Variants in PSD observed in about 807,000 individuals in gnomAD.
PSD encodes the protein PH and SEC7 domain-containing protein 1.
In PSD, 32 loss-of-function variants were observed where a neutral mutation model predicts 91.6. The ratio of observed to expected loss-of-function variants is 0.35; its 90% CI spans 0.26 to 0.47. The LOEUF is 0.47. Ranked by LOEUF, PSD falls within the 20% of genes least tolerant of loss-of-function variation. The probability of loss-of-function intolerance (pLI) is 1.00; values close to 1 mark genes in which losing one functional copy is unlikely to be tolerated. For missense variants in PSD, 1,099 were observed against 1,373.9 expected (o/e 0.80, Z 3.16); for synonymous variants, 532 against 569.3 (o/e 0.93, Z 0.93).
At position 102,410,794 on chromosome 10, in the gene PSD, T is replaced by G; in HGVS notation, c.2091+64A>C. 9.1e-7 allele frequency: 1 copy of G among 1,096,090 alleles called. No homozygotes were observed. The highest frequency in any genetic ancestry group is 1.4e-6 in the Non-Finnish European group (1 of 722,912). The allele number at this position is 1,096,090 out of a possible 1,614,324, so 67.9% of individuals were successfully genotyped here. On this transcript the variant is annotated intron_variant, in intron 10 of 16. Coordinates refer to ENST00000020673, the MANE Select transcript of PSD (RefSeq NM_002779.5). This position sits in a 1 kb window ranked among gnomAD's most constrained non-coding sequence, Gnocchi z 6.0. ...CCCTGCCCTCCCTCCGACTCTGGAC[T>G]CCGTCGCCGACTGGGTCCTCCATCC... is the stretch of plus-strand genomic sequence containing the variant.
At position 102,405,263 on chromosome 10, in the gene PSD, G is replaced by A. The variant is rs199640035; in HGVS notation, c.2327-10C>T. 83 of 1,610,452 alleles carry A rather than the reference G, an allele frequency of 5.2e-5. No individual in the cohort carries two copies. The highest frequency in any genetic ancestry group is 8.8e-5 in the South Asian group (8 of 91,086). On this transcript the variant is annotated splice_polypyrimidine_tract_variant and intron_variant, in intron 12 of 16. Coordinates refer to ENST00000020673, the MANE Select transcript of PSD (RefSeq NM_002779.5). This position sits in a 1 kb window ranked among gnomAD's most constrained non-coding sequence, Gnocchi z 5.4. ...CGCTTGCCCCGAGGTGCTGCGGGGAGAGAAGACAGGTCAGGGGGCCCTGGA... is the reference window on the plus strand; with the variant it reads ...CGCTTGCCCCGAGGTGCTGCGGGGAAAGAAGACAGGTCAGGGGGCCCTGGA...
chr10:102,415,905 CAA>C, intron 3 of PSD, 110 bp downstream of exon 3: 3 of 749,656 alleles, frequency 4.0e-6, no homozygotes, highest in Admixed American at 5.5e-5. Flanking sequence ...TTGGCTGACT[CAA>C]GAGCCAATTC....
rs1057020372 is a variant in PSD at position 102,416,284 on chromosome 10, T to C, written c.654+101A>G. On this transcript the variant is annotated intron_variant, in intron 2 of 16. Coordinates refer to ENST00000020673, the MANE Select transcript of PSD (RefSeq NM_002779.5). The surrounding 1 kb of genome is among the most constrained non-coding windows in gnomAD (Gnocchi z 6.0). ...AAGAGAGAGGCAGATTTAGAACAGA[T>C]TAAAGGATTCAGAGTGAACAGCAGA... 3 of 1,403,428 alleles carry C rather than the reference T, an allele frequency of 2.1e-6. No homozygotes were observed. Among genetic ancestry groups the C allele is most frequent in the Non-Finnish European group, 1.9e-6 (2 of 1,025,692 alleles). 86.9% of individuals were successfully genotyped at this position (1,403,428 alleles called of 1,614,324 possible).
intron 1 of PSD, 125 bp downstream of exon 1, chr10:102,418,576 T>C: frequency 2.6e-6 from 1 of 383,680 alleles, no homozygotes; most frequent in Admixed American, 2.8e-5. Context: ...AAGGGGCCTC[T>C]GGTGGCAATG....
At chr10:102,407,859 AG>A (rs144524624) in intron 10 of PSD, among the ~76,000 whole-genome samples, 1,562 of 152,176 alleles carry the variant, frequency 0.01, 23 homozygotes, top group African/African-American at 0.036. Flanking sequence ...GCCAAATGCC[AG>A]GGTGGTCCAA....
chr10:102,416,330 G>T lies in PSD; in HGVS notation c.654+55C>A. On this transcript the variant is annotated intron_variant, in intron 2 of 16. Transcript: ENST00000020673. The surrounding 1 kb of genome is among the most constrained non-coding windows in gnomAD (Gnocchi z 6.0). ...GCAGACAAGCCCATGTCTGACAGGAGGCTGAGCCTTGCCCCTTCACTGGGG... is the reference window on the plus strand; with the variant it reads ...GCAGACAAGCCCATGTCTGACAGGATGCTGAGCCTTGCCCCTTCACTGGGG... The T allele has an allele frequency of 6.5e-7, 1 of 1,543,166 alleles. No individual in the cohort carries two copies. Among genetic ancestry groups the T allele is most frequent in the South Asian group, 1.2e-5 (1 of 83,788 alleles).
rs1391375242 is a variant in PSD, at chr10:102,417,133, G to A, written c.-83-12C>T. ...CTCTTCAGACAGGCCTGTAAGAGAG[G>A]AAGGGGAGCATGGGGTGAACTGCCA... On this transcript the variant is annotated splice_polypyrimidine_tract_variant and intron_variant, in intron 1 of 16. Transcript: ENST00000020673. 2 of 699,582 alleles carry A rather than the reference G, an allele frequency of 2.9e-6. No individual in the cohort carries two copies. The highest frequency in any genetic ancestry group is 1.8e-5 in the South Asian group (1 of 55,410). The allele number at this position is 699,582 out of a possible 1,614,324, so 43.3% of individuals were successfully genotyped here.
rs200141401 is a variant in PSD at position 102,413,865 on chromosome 10, T to G, written c.1457A>C (p.Glu486Ala). 1.2e-4 allele frequency: 188 copies of G among 1,613,204 alleles called. 1 individual carries two copies. The highest frequency in any genetic ancestry group is 2.0e-4 in the Admixed American group (12 of 59,976). Residue 486 changes from glutamate to alanine, a missense_variant, in exon 5 of 17, where the codon GAG (glutamate) becomes GCG (alanine). By Grantham distance (107) the Glu-to-Ala change is moderately radical. Around this residue, in one of 3 missense-constraint regions of PSD, gnomAD observed 631 missense variants for 728.8 expected, o/e 0.87. Transcript: ENST00000020673. ...GGCCAGCTTGGCTCTGGCCTCTGCC[T>G]CCTCCTCCTCCCCTCTCTGTGTCCA... ...GPWTQRGEEE[E>A]AEARAKLAPG...
chr10:102,414,762 A>G lies in PSD; in HGVS notation c.1124+101T>C, dbSNP rs2061458316. The G allele has an allele frequency of 1.4e-6, 2 of 1,422,748 alleles. No individual in the cohort carries two copies. The allele number at this position is 1,422,748 out of a possible 1,614,324, so 88.1% of individuals were successfully genotyped here. A position where few individuals can be genotyped will look rare whatever the true frequency, so the allele number is the denominator to read the frequency against. ...ACACTGCCCCGCCAGCCCCACACCC[A>G]TCTCTATCCCAGGCCCTTTGAGCCC... On this transcript the variant is annotated intron_variant, in intron 4 of 16. Transcript: ENST00000020673. The surrounding 1 kb of genome is among the most constrained non-coding windows in gnomAD (Gnocchi z 5.6).
Position 102,405,785 on chromosome 10 carries a change from G to T in PSD, c.2136-249C>A. On this transcript the variant is annotated intron_variant, in intron 11 of 16. Coordinates refer to ENST00000020673, the MANE Select transcript of PSD (RefSeq NM_002779.5). The surrounding 1 kb of genome is among the most constrained non-coding windows in gnomAD (Gnocchi z 5.4). ...CACTGTCCCTTCCTCCCAGCAAGTA[G>T]GGCCAGCACTATCCTCTCCATTGCT... The T allele has an allele frequency of 3.8e-6, 2 of 524,316 alleles. No individual in the cohort carries two copies. The highest frequency in any genetic ancestry group is 6.9e-6 in the Non-Finnish European group (2 of 291,170). The allele number at this position is 524,316 out of a possible 1,614,324, so 32.5% of individuals were successfully genotyped here. A position where few individuals can be genotyped will look rare whatever the true frequency, so the allele number is the denominator to read the frequency against.
chr10:102,403,801 G>C lies in PSD; in HGVS notation c.2844+41C>G. 2.5e-6 allele frequency: 4 copies of C among 1,588,398 alleles called. No homozygotes were observed. In the South Asian group the frequency reaches 4.6e-5, roughly 18 times the overall value. On this transcript the variant is annotated intron_variant, in intron 16 of 16. Coordinates refer to ENST00000020673, the MANE Select transcript of PSD (RefSeq NM_002779.5). This position sits in a 1 kb window ranked among gnomAD's most constrained non-coding sequence, Gnocchi z 6.7. ...AGTTCATGCCCTTCACCCTAGTATG[G>C]GCCTGCGTGTGTGGACAGAGGGGCA...
chr10:102,410,460 C>G lies in PSD; in HGVS notation c.2091+398G>C, dbSNP rs913278303. Among the ~76,000 whole-genome samples, 2 of 152,212 alleles carry G rather than the reference C, an allele frequency of 1.3e-5. No individual in the cohort carries two copies. Among genetic ancestry groups the G allele is most frequent in the African/African-American group, 2.4e-5 (1 of 41,452 alleles). ...CCGGGAAGGTCTTTTTGGCTGTCCA[C>G]GCGGCGGGGGAGCAGTGTGGAGTGT... On this transcript the variant is annotated intron_variant, in intron 10 of 16. Coordinates refer to ENST00000020673, the MANE Select transcript of PSD (RefSeq NM_002779.5). This position sits in a 1 kb window ranked among gnomAD's most constrained non-coding sequence, Gnocchi z 6.0.
Position 102,414,751 on chromosome 10 carries a change from G to T in PSD, c.1124+112C>A. 2.2e-6 allele frequency: 3 copies of T among 1,380,428 alleles called. No homozygotes were observed. Among genetic ancestry groups the T allele is most frequent in the Non-Finnish European group, 2.9e-6 (3 of 1,040,034 alleles). 85.5% of individuals were successfully genotyped at this position (1,380,428 alleles called of 1,614,324 possible). On this transcript the variant is annotated intron_variant, in intron 4 of 16. Transcript: ENST00000020673. This position sits in a 1 kb window ranked among gnomAD's most constrained non-coding sequence, Gnocchi z 5.6. ...TCCTGCTATACACACTGCCCCGCCA[G>T]CCCCACACCCATCTCTATCCCAGGC...
chr10:102,412,869 A>G (rs916277234), intron 5 of PSD, among the ~76,000 whole-genome samples: 2 of 152,074 alleles, frequency 1.3e-5, no homozygotes, highest in South Asian at 2.1e-4. Flanking sequence ...TTAGACATAG[A>G]TTATCTGTTC....
intron 5 of PSD, 86 bp from the exon 6 acceptor site, chr10:102,412,661 G>T (rs1006203120): frequency 7.5e-6 from 9 of 1,194,476 alleles, no homozygotes; most frequent in Non-Finnish European, 1.0e-5. Context: ...CCCAGAAGAT[G>T]GAGAAGGGGA....
rs749446383 is a variant in PSD at position 102,414,901 on chromosome 10, ATCT to A, written c.1083_1085del (p.Glu361del). 9.3e-6 allele frequency: 14 copies of A among 1,505,574 alleles called. No homozygotes were observed. Among genetic ancestry groups the A allele is most frequent in the Non-Finnish European group, 9.8e-6 (11 of 1,126,464 alleles). 93.3% of individuals were successfully genotyped at this position (1,505,574 alleles called of 1,614,324 possible). On this transcript the variant is annotated inframe_deletion, in exon 4 of 17. Transcript: ENST00000020673. The surrounding 1 kb of genome is among the most constrained non-coding windows in gnomAD (Gnocchi z 5.6). Reference sequence around the variant, plus strand: ...AGGCCTCAAACACCTCGTCGTCCACATCTTCTTCCCCACCTGCCTCATCGTCGT... The same window carrying A: ...AGGCCTCAAACACCTCGTCGTCCACATCTTCCCCACCTGCCTCATCGTCGT...
chr10:102,419,286 GT>G, upstream of PSD: 2 of 153,984 alleles, frequency 1.3e-5, no homozygotes, highest in Non-Finnish European at 2.9e-5. This position sits in a 1 kb window ranked among gnomAD's most constrained non-coding sequence, Gnocchi z 4.8. Flanking sequence ...CCCGCCAGGG[GT>G]TTTGAGTCTC....
In PSD at chr10:102,404,539, C is replaced by T; in HGVS notation, c.2700+44G>A. ...TTGAGTGCAGTGGGCCTGAGCCTAA[C>T]ACCCTCCATCCCACTGGCACTAGGT... On this transcript the variant is annotated intron_variant, in intron 15 of 16. Transcript: ENST00000020673. The surrounding 1 kb of genome is among the most constrained non-coding windows in gnomAD (Gnocchi z 5.7). The T allele has an allele frequency of 6.3e-7, 1 of 1,592,794 alleles. No homozygotes were observed.
intron 5 of PSD, among the ~76,000 whole-genome samples, chr10:102,413,025 C>T (rs750375300): frequency 6.6e-5 from 10 of 152,230 alleles, no homozygotes; most frequent in East Asian, 3.8e-4. Context: ...TTTCCCCCTC[C>T]TGCTTTTTAG....
Sources: allele counts gnomAD v4.1 joint callset (sites outside exome capture counted in the v4.1 genomes callset), GRCh38; gene constraint gnomAD v4.1.1; regional missense constraint gnomAD v4.1.1; non-coding constraint Gnocchi (gnomAD v3.1); transcripts MANE v1.5; gene names NCBI Gene and HGNC (gene_info 2026-07-23, HGNC 2026-07-21).